Variants in SLC6A17 observed in about 807,000 individuals in gnomAD.
SLC6A17 encodes solute carrier family 6 member 17.
In SLC6A17, 21 loss-of-function variants were observed where a neutral mutation model predicts 64.5. That is an observed-to-expected ratio of 0.33 (90% confidence interval 0.23 to 0.47). The LOEUF (loss-of-function observed/expected upper bound fraction) is 0.47, where lower values mean the gene tolerates loss of function less well. Among genes scored for constraint, SLC6A17 ranks in the 20% least tolerant of loss-of-function variants. The pLI, the probability that SLC6A17 is intolerant of heterozygous loss-of-function variation, is 1.00. For synonymous variants in SLC6A17, 372 were observed against 399.5 expected, an observed-to-expected ratio of 0.93 and a Z score of 0.82; for missense variants, 682 against 963.2, an observed-to-expected ratio of 0.71 and a Z score of 3.86.
intron 11 of SLC6A17, 105 bp downstream of exon 11, chr1:110,197,704 G>T: frequency 1.5e-6 from 2 of 1,322,390 alleles, no homozygotes; most frequent in South Asian, 3.1e-5. Flanking sequence ...TATGTGCCAG[G>T]CCTTGCCAGG....
In SLC6A17 at chr1:110,192,108, C is replaced by T. The variant is rs1196923299; in HGVS notation, c.1001C>T (p.Ala334Val). The T allele has an allele frequency of 1.2e-6, 2 of 1,614,224 alleles. No individual in the cohort carries two copies. The highest frequency in any genetic ancestry group is 2.2e-5 in the South Asian group (2 of 91,080). Residue 334 changes from alanine to valine, a missense_variant, in exon 7 of 12, where the codon GCC becomes GTC. This residue lies in a region of SLC6A17 where 415 missense variants were observed against 603.8 expected (regional missense o/e 0.69). Coordinates refer to ENST00000331565, the MANE Select transcript of SLC6A17 (RefSeq NM_001010898.4). This position sits in a 1 kb window ranked among gnomAD's most constrained non-coding sequence, Gnocchi z 4.3. The part of the protein sequence containing the change: ...KQDNNCHFDA[A>V]LVSFINFFTS... ...GACAACAACTGCCACTTCGATGCCG[C>T]CCTGGTGTCCTTCATCAACTTCTTC...
intron 1 of SLC6A17, among the ~76,000 whole-genome samples, chr1:110,161,679 C>A (rs1040062356): frequency 3.9e-5 from 6 of 152,182 alleles, no homozygotes; most frequent in Non-Finnish European, 7.4e-5. Context: ...GTTACCTGAA[C>A]CTTCCCCAGC....
At chr1:110,178,425 G>A (rs769393833) in intron 6 of SLC6A17, among the ~76,000 whole-genome samples, 1 of 152,082 alleles carries the variant, frequency 6.6e-6, no homozygotes, top group Non-Finnish European at 1.5e-5. Context: ...AATATCTCAG[G>A]CATGTAAACA....
At chr1:110,174,478 G>A (rs780143396) in intron 4 of SLC6A17, among the ~76,000 whole-genome samples, 3 of 152,126 alleles carry the variant, frequency 2.0e-5, no homozygotes, top group Non-Finnish European at 4.4e-5. Context: ...GACCTTCCCC[G>A]AGGAACTTTA....
intron 2 of SLC6A17, among the ~76,000 whole-genome samples, chr1:110,170,400 T>C (rs1051816767): frequency 2.0e-5 from 3 of 152,190 alleles, no homozygotes; most frequent in Middle Eastern, 3.4e-3. Context: ...AGGAGAATGG[T>C]GTGAACCCGG....
At chr1:110,172,465 G>A (rs559858689) in intron 3 of SLC6A17, 218 of 505,244 alleles carry the variant, frequency 4.3e-4, no homozygotes, top group Middle Eastern at 1.6e-3. Context: ...AGGAGGAAAA[G>A]CTGGGACATA....
At chr1:110,152,598 T>C (rs991803300) in intron 1 of SLC6A17, among the ~76,000 whole-genome samples, 2 of 152,066 alleles carry the variant, frequency 1.3e-5, no homozygotes, top group African/African-American at 4.8e-5. Context: ...AGGGCCAGGC[T>C]GGGCTGGGCA....
At chr1:110,183,437 G>A (rs1324972662) in intron 6 of SLC6A17, among the ~76,000 whole-genome samples, 1 of 152,170 alleles carries the variant, frequency 6.6e-6, no homozygotes, top group Non-Finnish European at 1.5e-5. Context: ...GAGAAAGAAG[G>A]TGGATTAGTG....
chr1:110,195,205 G>A (rs1207490508), intron 9 of SLC6A17, among the ~76,000 whole-genome samples: 1 of 152,246 alleles, frequency 6.6e-6, no homozygotes, highest in Non-Finnish European at 1.5e-5. Flanking sequence ...CCTCTCATCT[G>A]CATCCCTAAA....
chr1:110,192,253 C>G lies in SLC6A17; in HGVS notation c.1106+40C>G. The G allele has an allele frequency of 6.3e-7, 1 of 1,582,486 alleles. No homozygotes were observed. Among genetic ancestry groups the G allele is most frequent in the Non-Finnish European group, 8.6e-7 (1 of 1,161,410 alleles). On this transcript the variant is annotated intron_variant, in intron 7 of 11. Transcript: ENST00000331565. The surrounding 1 kb of genome is among the most constrained non-coding windows in gnomAD (Gnocchi z 4.3). The stretch of plus-strand genomic sequence containing the variant: ...TCCTCCTGTCCCTCCTTCTCCCTGT[C>G]TACCTTACCTGGGAGTGGGCAGGGG...
In SLC6A17 at chr1:110,192,461, C is replaced by A; in HGVS notation, c.1107-45C>A. The A allele has an allele frequency of 6.4e-7, 1 of 1,569,796 alleles. No individual in the cohort carries two copies. Among genetic ancestry groups the A allele is most frequent in the South Asian group, 1.2e-5 (1 of 82,282 alleles). ...AGAGCCTCCAGGATCTCACCCATTG[C>A]CCACCCCTGCCTTCTTACCTGGTCC... On this transcript the variant is annotated intron_variant, in intron 7 of 11. Coordinates refer to ENST00000331565, the MANE Select transcript of SLC6A17 (RefSeq NM_001010898.4). This position sits in a 1 kb window ranked among gnomAD's most constrained non-coding sequence, Gnocchi z 4.3.
At chr1:110,179,443 C>T (rs1656455575) in intron 6 of SLC6A17, among the ~76,000 whole-genome samples, 1 of 151,984 alleles carries the variant, frequency 6.6e-6, no homozygotes, top group African/African-American at 2.4e-5. Flanking sequence ...CAATTTTTGC[C>T]AATTAGGTGG....
At position 110,191,856 on chromosome 1, in the gene SLC6A17, C is replaced by G. The variant is rs933367148; in HGVS notation, c.865-116C>G. The G allele has an allele frequency of 6.7e-6, 10 of 1,492,544 alleles. No individual in the cohort carries two copies. In the African/African-American group the frequency reaches 9.8e-5, roughly 15 times the overall value. 92.5% of individuals were successfully genotyped at this position (1,492,544 alleles called of 1,614,324 possible). ...TTGCCCAAGTTCACACAGCTTCTTACCACTATGGGCTGCTGCCTCTGAACT... is the reference window on the plus strand; with the variant it reads ...TTGCCCAAGTTCACACAGCTTCTTAGCACTATGGGCTGCTGCCTCTGAACT... On this transcript the variant is annotated intron_variant, in intron 6 of 11. Coordinates refer to ENST00000331565, the MANE Select transcript of SLC6A17 (RefSeq NM_001010898.4).
At chr1:110,194,871 A>G (rs1656920774) in intron 9 of SLC6A17, 100 bp downstream of exon 9, 4 of 1,430,690 alleles carry the variant, frequency 2.8e-6, no homozygotes, top group Non-Finnish European at 3.8e-6. Context: ...CCCCACACCC[A>G]GAAGGCTCCA....
chr1:110,171,259 A>G (rs1336576398), intron 2 of SLC6A17, among the ~76,000 whole-genome samples: 1 of 152,136 alleles, frequency 6.6e-6, no homozygotes, highest in African/African-American at 2.4e-5. Context: ...CCTTGCTAAC[A>G]GGACTAGGTT....
At chr1:110,196,180 A>T (rs1312707070) in intron 10 of SLC6A17, among the ~76,000 whole-genome samples, 1 of 152,188 alleles carries the variant, frequency 6.6e-6, no homozygotes, top group Non-Finnish European at 1.5e-5. Flanking sequence ...GCAGGGTAAG[A>T]GGATTCAGCT....
At chr1:110,159,371 G>A (rs1164807777) in intron 1 of SLC6A17, among the ~76,000 whole-genome samples, 1 of 152,168 alleles carries the variant, frequency 6.6e-6, no homozygotes, top group African/African-American at 2.4e-5. Flanking sequence ...GTTTGCACTG[G>A]CCACACCCAC....
intron 6 of SLC6A17, chr1:110,177,863 C>A (rs184690262): frequency 2.6e-4 from 39 of 152,376 alleles, no homozygotes; most frequent in Admixed American, 1.9e-3. Context: ...GTAGTACTGG[C>A]TAGGGCACAC....
At chr1:110,158,451 C>G (rs1465588947) in intron 1 of SLC6A17, among the ~76,000 whole-genome samples, 1 of 152,154 alleles carries the variant, frequency 6.6e-6, no homozygotes, top group East Asian at 1.9e-4. Context: ...GGTGAGTATG[C>G]CTTGATTCCT....
Sources: allele counts gnomAD v4.1 joint callset (sites outside exome capture counted in the v4.1 genomes callset), GRCh38; gene constraint gnomAD v4.1.1; regional missense constraint gnomAD v4.1.1; non-coding constraint Gnocchi (gnomAD v3.1); transcripts MANE v1.5; gene names NCBI Gene and HGNC (gene_info 2026-07-23, HGNC 2026-07-21).